Variants in TAFA1 observed in about 807,000 individuals in gnomAD.
TAFA1 encodes the protein chemokine-like protein TAFA-1.
A neutral mutation model predicts 18.5 loss-of-function variants in TAFA1; 4 were observed. That is an observed-to-expected ratio of 0.22 (90% CI 0.11 to 0.49). The LOEUF (loss-of-function observed/expected upper bound fraction) is 0.49. Among genes scored for constraint, TAFA1 ranks in the 20% least tolerant of loss-of-function variants. The probability of loss-of-function intolerance (pLI) is 0.98; values close to 1 mark genes in which losing one functional copy is unlikely to be tolerated. For synonymous variants in TAFA1, 56 were observed against 55.2 expected (o/e 1.01, Z -0.06); for missense variants, 147 against 169.0 (o/e 0.87, Z 0.72).
intron 2 of TAFA1, among the ~76,000 whole-genome samples, chr3:68,315,613 C>T (rs968002930): frequency 6.6e-6 from 1 of 152,142 alleles, no homozygotes; most frequent in African/African-American, 2.4e-5. Flanking sequence ...ATCCTAGAAT[C>T]TGACAAATCA....
At chr3:68,128,070 T>C (rs943363038) in intron 2 of TAFA1, among the ~76,000 whole-genome samples, 2 of 151,754 alleles carry the variant, frequency 1.3e-5, no homozygotes, top group African/African-American at 2.4e-5. Flanking sequence ...GAGTCACTGA[T>C]GTAGGGTAGG....
intron 2 of TAFA1, among the ~76,000 whole-genome samples, chr3:68,259,612 T>C (rs550025729): frequency 2.0e-5 from 3 of 152,298 alleles, no homozygotes; most frequent in East Asian, 1.9e-4. Flanking sequence ...TTTTATTTCA[T>C]TGAGCAGTGG....
intron 3 of TAFA1, among the ~76,000 whole-genome samples, chr3:68,462,121 T>G (rs2071794809): frequency 6.6e-6 from 1 of 152,192 alleles, no homozygotes; most frequent in Admixed American, 6.5e-5. Context: ...TGGCTTTTTA[T>G]TTGTATTTTG....
intron 2 of TAFA1, among the ~76,000 whole-genome samples, chr3:68,236,990 T>C (rs1480231378): frequency 6.6e-6 from 1 of 152,234 alleles, no homozygotes; most frequent in Non-Finnish European, 1.5e-5. Flanking sequence ...TTATGTTTGC[T>C]AAACACTAAG....
chr3:68,512,836 T>G (rs1248149169), intron 3 of TAFA1, among the ~76,000 whole-genome samples: 2 of 152,140 alleles, frequency 1.3e-5, no homozygotes, highest in African/African-American at 4.8e-5. Context: ...CGTTGTTACA[T>G]GAACTATTAA....
intron 2 of TAFA1, among the ~76,000 whole-genome samples, chr3:68,411,538 T>G (rs1340271820): frequency 6.6e-6 from 1 of 152,226 alleles, no homozygotes; most frequent in African/African-American, 2.4e-5. Context: ...TAGTTAATAA[T>G]GTGTCAATCA....
chr3:68,461,181 C>G (rs767983381), intron 3 of TAFA1, among the ~76,000 whole-genome samples: 1 of 151,738 alleles, frequency 6.6e-6, no homozygotes, highest in Non-Finnish European at 1.5e-5. Context: ...ACTCAGGAGG[C>G]TGAGGCATGA....
chr3:68,497,820 T>C (rs1054004473), intron 3 of TAFA1, among the ~76,000 whole-genome samples: 15 of 152,190 alleles, frequency 9.9e-5, no homozygotes, highest in African/African-American at 4.8e-5. Flanking sequence ...CAGCTTTGAC[T>C]GCTGTGCATA....
intron 2 of TAFA1, among the ~76,000 whole-genome samples, chr3:68,306,268 T>A (rs2068419877): frequency 6.6e-6 from 1 of 152,192 alleles, no homozygotes; most frequent in Non-Finnish European, 1.5e-5. Flanking sequence ...ACATTATAGC[T>A]TTGTACCTCC....
intron 2 of TAFA1, among the ~76,000 whole-genome samples, chr3:68,123,836 A>G (rs2065430210): frequency 7.1e-6 from 1 of 141,836 alleles, no homozygotes; most frequent in African/African-American, 2.7e-5. Context: ...GAGGATATCT[A>G]CCCTGAGTTT....
chr3:68,487,725 C>A (rs1300795336), intron 3 of TAFA1, among the ~76,000 whole-genome samples: 4 of 137,574 alleles, frequency 2.9e-5, no homozygotes, highest in East Asian at 4.2e-4. Context: ...GCACTCCAGC[C>A]TGGGGGACAG....
chr3:68,327,924 T>C (rs1017975228), intron 2 of TAFA1, among the ~76,000 whole-genome samples: 4 of 152,198 alleles, frequency 2.6e-5, no homozygotes, highest in Non-Finnish European at 5.9e-5. Context: ...CCTTGAGTTC[T>C]TACTGTAGCA....
chr3:68,054,849 T>A (rs1377713884), intron 2 of TAFA1, among the ~76,000 whole-genome samples: 1 of 152,246 alleles, frequency 6.6e-6, no homozygotes, highest in Non-Finnish European at 1.5e-5. Context: ...CCAGACACTA[T>A]TTTAAGATCT....
chr3:68,015,400 C>A (rs1006224663), intron 2 of TAFA1, among the ~76,000 whole-genome samples: 9 of 151,832 alleles, frequency 5.9e-5, no homozygotes, highest in African/African-American at 2.2e-4. Flanking sequence ...GATTCTCCTG[C>A]CTTAGCCTCC....
chr3:68,158,803 A>G (rs535097777), intron 2 of TAFA1, among the ~76,000 whole-genome samples: 4 of 152,342 alleles, frequency 2.6e-5, no homozygotes, highest in African/African-American at 9.6e-5. Flanking sequence ...AATAAATGCA[A>G]GCTACAGCAT....
intron 2 of TAFA1, among the ~76,000 whole-genome samples, chr3:68,096,678 A>G (rs1459596269): frequency 6.6e-6 from 1 of 152,098 alleles, no homozygotes; most frequent in Admixed American, 6.6e-5. Flanking sequence ...CAAAGCCTGT[A>G]CTCTTAAATT....
chr3:68,043,154 G>T (rs1401032038), intron 2 of TAFA1, among the ~76,000 whole-genome samples: 1 of 152,146 alleles, frequency 6.6e-6, no homozygotes, highest in Admixed American at 6.6e-5. Flanking sequence ...ATACAGGTGT[G>T]AGCCACCGTG....
chr3:68,001,822 T>C (rs1704286762), upstream of TAFA1, among the ~76,000 whole-genome samples: 1 of 152,190 alleles, frequency 6.6e-6, no homozygotes. Context: ...TAAAAAAAAC[T>C]ATTTCTTATT....
chr3:68,203,309 T>C (rs886870763), intron 2 of TAFA1, among the ~76,000 whole-genome samples: 1 of 151,750 alleles, frequency 6.6e-6, no homozygotes, highest in Non-Finnish European at 1.5e-5. Flanking sequence ...CTTGGTGTTT[T>C]CTGACCTTTC....
Sources: allele counts gnomAD v4.1 joint callset (sites outside exome capture counted in the v4.1 genomes callset), GRCh38; gene constraint gnomAD v4.1.1; transcripts MANE v1.5; gene names NCBI Gene and HGNC (gene_info 2026-07-23, HGNC 2026-07-21).